Variants in ADAT3 observed in about 807,000 individuals in gnomAD.
The protein encoded by ADAT3 is tRNA-specific adenosine-34 deaminase regulatory subunit ADAT3.
In ADAT3, 2 loss-of-function variants were observed where a neutral mutation model predicts 3.5. The observed-to-expected ratio is 0.57, with a 90% confidence interval of 0.23 to 1.79. The LOEUF (loss-of-function observed/expected upper bound fraction) is 1.79. ADAT3 is among the 40% of genes most tolerant of loss of function. The pLI, the probability that ADAT3 is intolerant of heterozygous loss-of-function variation, is 0.18. For synonymous variants in ADAT3, 358 were observed against 270.3 expected (o/e 1.32, Z -3.18); for missense variants, 735 against 571.4 (o/e 1.29, Z -2.92).
chr19:1,912,075 C>T lies in ADAT3; in HGVS notation c.28C>T (p.Pro10Ser), dbSNP rs1420353112. 2 of 1,451,130 alleles carry T rather than the reference C, an allele frequency of 1.4e-6. No homozygotes were observed. The highest frequency in any genetic ancestry group is 2.6e-5 in the Admixed American group (1 of 38,980). The allele number at this position is 1,451,130 out of a possible 1,614,324, so 89.9% of individuals were successfully genotyped here. A position where few individuals can be genotyped will look rare whatever the true frequency, so the allele number is the denominator to read the frequency against. MILCSRLCL[P>S]QSASLRMEPA... The stretch of plus-strand genomic sequence containing the variant: ...GATCCTCTGCTCCCGTCTCTGTCTC[C>T]CACAGTCGGCCTCGCTGAGGATGGA... The change falls in exon 2 of 2, where the codon CCA (proline) becomes TCA (serine). Residue 10 changes from proline to serine, a missense_variant. Physicochemically the swap from Pro to Ser is moderately conservative, Grantham distance 74. Transcript: ENST00000329478.
chr19:1,913,246 C>G lies in ADAT3; in HGVS notation c.*95C>G. 2 of 1,437,390 alleles carry G rather than the reference C, an allele frequency of 1.4e-6. No homozygotes were observed. The highest frequency in any genetic ancestry group is 1.8e-6 in the Non-Finnish European group (2 of 1,090,190). 89.0% of individuals were successfully genotyped at this position (1,437,390 alleles called of 1,614,324 possible). A position where few individuals can be genotyped will look rare whatever the true frequency, so the allele number is the denominator to read the frequency against. On this transcript the variant is annotated 3_prime_UTR_variant, in exon 2 of 2. Transcript: ENST00000329478. ...TCGATTTCTTCCGCACAAGCCTGAC[C>G]GTGGATTTCAGGGACACATACCGCC... is the stretch of plus-strand genomic sequence containing the variant.
rs747783885 is a variant in ADAT3, at chr19:1,912,918, C to G, written c.871C>G (p.Leu291Val). The change falls in exon 2 of 2, where the codon CTC becomes GTC. Residue 291 changes from leucine to valine, a missense_variant. Physicochemically the swap from Leu to Val is conservative, Grantham distance 32. Coordinates refer to ENST00000329478, the MANE Select transcript of ADAT3 (RefSeq NM_138422.4). ...TAAACTGGACGCAGACGAGGACGGC[C>G]TCCCCTACCTGTGCACTGGCTACGA... ...VRKLDADEDG[L>V]PYLCTGYDLY... 9 of 1,609,774 alleles carry G rather than the reference C, an allele frequency of 5.6e-6. No individual in the cohort carries two copies. The highest frequency in any genetic ancestry group is 7.6e-6 in the Non-Finnish European group (9 of 1,179,322).
rs188999749 is a variant in ADAT3, at chr19:1,909,297, G to A, written c.-158-2593G>A. Among the ~76,000 whole-genome samples the A allele has an allele frequency of 3.2e-4, 48 of 152,300 alleles. 1 individual carries two copies. The highest frequency in any genetic ancestry group is 1.2e-3 in the African/African-American group (48 of 41,568). On this transcript the variant is annotated intron_variant, in intron 1 of 1. Transcript: ENST00000329478. Reference sequence around the variant, plus strand: ...GGCGCTGTCCCCCAGGGCCCTGTGAGCAGTCCCTGCAGGCTGGCTGTCCCC... The same window carrying A: ...GGCGCTGTCCCCCAGGGCCCTGTGAACAGTCCCTGCAGGCTGGCTGTCCCC...
At position 1,912,323 on chromosome 19, in the gene ADAT3, G is replaced by A; in HGVS notation, c.276G>A (p.Lys92=). Residue 92 remains lysine (K), a synonymous_variant, in exon 2 of 2, where the codon AAG becomes AAA. Coordinates refer to ENST00000329478, the MANE Select transcript of ADAT3 (RefSeq NM_138422.4). ...CGCTCCCCGCCCAGCCTCACCTCAAGCGGGTGCGGCCCAGCCGCGATGCCG... is the reference window on the plus strand; with the variant it reads ...CGCTCCCCGCCCAGCCTCACCTCAAACGGGTGCGGCCCAGCCGCGATGCCG... ...LHPLPAQPHL[K]RVRPSRDAGS... 1 of 1,542,066 alleles carries A rather than the reference G, an allele frequency of 6.5e-7. No individual in the cohort carries two copies.
intron 1 of ADAT3, among the ~76,000 whole-genome samples, chr19:1,910,838 G>A (rs994117409): frequency 6.6e-6 from 1 of 151,326 alleles, no homozygotes; most frequent in Non-Finnish European, 1.5e-5. Context: ...GCCTCCCAAA[G>A]TGCTGGGATT....
chr19:1,913,163 C>T lies in ADAT3; in HGVS notation c.*12C>T. 2.0e-6 allele frequency: 3 copies of T among 1,524,300 alleles called. No homozygotes were observed. The highest frequency in any genetic ancestry group is 2.6e-6 in the Non-Finnish European group (3 of 1,137,748). 94.4% of individuals were successfully genotyped at this position (1,524,300 alleles called of 1,614,324 possible). On this transcript the variant is annotated 3_prime_UTR_variant, in exon 2 of 2. Coordinates refer to ENST00000329478, the MANE Select transcript of ADAT3 (RefSeq NM_138422.4). Reference sequence around the variant, plus strand: ...ACCCCGACACGTAGGCGCCGCCCTCCTGCCTCCGGACCCTTCCCGCTCCCG... The same window carrying T: ...ACCCCGACACGTAGGCGCCGCCCTCTTGCCTCCGGACCCTTCCCGCTCCCG...
intron 1 of ADAT3, among the ~76,000 whole-genome samples, chr19:1,911,595 A>C (rs534787388): frequency 6.6e-6 from 1 of 152,308 alleles, no homozygotes; most frequent in East Asian, 1.9e-4. Context: ...AGCCTGAACG[A>C]CGTGGTGAAA....
intron 1 of ADAT3, among the ~76,000 whole-genome samples, chr19:1,909,586 AGCAGGGATGTCCTCACCTGTGCCAGCG>A (rs1458895709): frequency 5.0e-4 from 50 of 99,724 alleles, no homozygotes; most frequent in African/African-American, 2.5e-3. Context: ...CTGTGCCAGC[AGCAGGGATGTCCTCACCTGTGCCAGCG>A]GCAGGGATGG....
At chr19:1,906,850 C>CA (rs919454906) in intron 1 of ADAT3, 232 of 66,372 alleles carry the variant, frequency 3.5e-3, no homozygotes, top group South Asian at 0.013. Context: ...GACTCCGTCT[C>CA]AAAAAAAAAA....
Position 1,912,655 on chromosome 19 carries a change from C to T in ADAT3, c.608C>T (p.Ala203Val). The T allele has an allele frequency of 2.1e-6, 3 of 1,421,520 alleles. No individual in the cohort carries two copies. Among genetic ancestry groups the T allele is most frequent in the Non-Finnish European group, 2.7e-6 (3 of 1,097,624 alleles). The allele number at this position is 1,421,520 out of a possible 1,614,324, so 88.1% of individuals were successfully genotyped here. The change falls in exon 2 of 2, where the codon GCA becomes GTA. Residue 203 changes from alanine to valine, a missense_variant. Transcript: ENST00000329478. ...CGGGCGGTGTGGGCGGCCCGGCGGG[C>T]AGCAGCGCGGGGCTTGCGGGCCGTG... The part of the protein sequence containing the change: ...MERAVWAARR[A>V]AARGLRAVGA...
chr19:1,913,143 G>A lies in ADAT3; in HGVS notation c.1096G>A (p.Asp366Asn). ...GGAGCAGTGCCGCTGGCTGGACCCC[G>A]ACACGTAGGCGCCGCCCTCCTGCCT... ...LEEQCRWLDP[D>N]T Residue 366 changes from aspartate to asparagine, a missense_variant, in exon 2 of 2, where the codon GAC (aspartate) becomes AAC (asparagine). Asp to Asn is a conservative substitution (Grantham distance 23, BLOSUM62 1). Coordinates refer to ENST00000329478, the MANE Select transcript of ADAT3 (RefSeq NM_138422.4). 2.6e-6 allele frequency: 4 copies of A among 1,553,884 alleles called. No individual in the cohort carries two copies. Among genetic ancestry groups the A allele is most frequent in the Non-Finnish European group, 3.5e-6 (4 of 1,153,498 alleles).
chr19:1,907,512 G>A (rs1001894702), intron 1 of ADAT3, among the ~76,000 whole-genome samples: 6 of 152,142 alleles, frequency 3.9e-5, no homozygotes, highest in Admixed American at 2.0e-4. Flanking sequence ...TGGGCTGAAC[G>A]CCTCTAGGGC....
In ADAT3 at chr19:1,907,184, CA is replaced by C. The variant is rs952315196; in HGVS notation, c.-159+1757del. On this transcript the variant is annotated intron_variant, in intron 1 of 1. Coordinates refer to ENST00000329478, the MANE Select transcript of ADAT3 (RefSeq NM_138422.4). ...CCTGGGGGACAGAGTGAGACTGTCC[CA>C]AAAAAAAAAAAGCCCCCACGCAGAC... The C allele has an allele frequency of 8.6e-3, 1,161 of 135,000 alleles. 5 individuals carry two copies. Among genetic ancestry groups the C allele is most frequent in the South Asian group, 0.015 (64 of 4,242 alleles). The allele number at this position is 135,000 out of a possible 1,614,324, so 8.4% of individuals were successfully genotyped here.
chr19:1,910,271 C>T (rs1250233665), intron 1 of ADAT3, among the ~76,000 whole-genome samples: 6 of 152,208 alleles, frequency 3.9e-5, no homozygotes, highest in Admixed American at 6.5e-5. Flanking sequence ...CAGGCGTTGG[C>T]GGAATTCAGC....
In ADAT3 at chr19:1,913,020, G is replaced by A. The variant is rs1402238455; in HGVS notation, c.973G>A (p.Gly325Ser). The A allele has an allele frequency of 1.9e-6, 3 of 1,606,034 alleles. No homozygotes were observed. The highest frequency in any genetic ancestry group is 2.5e-6 in the Non-Finnish European group (3 of 1,179,270). Residue 325 changes from glycine to serine, a missense_variant, in exon 2 of 2, where the codon GGT becomes AGT. Gly to Ser is a moderately conservative substitution (Grantham distance 56, BLOSUM62 0). Coordinates refer to ENST00000329478, the MANE Select transcript of ADAT3 (RefSeq NM_138422.4). Reference sequence around the variant, plus strand: ...CGCACGCATCCTGCGCGTCTTCTACGGTGCGCCCTCGCCCGACGGCGCCCT... The same window carrying A: ...CGCACGCATCCTGCGCGTCTTCTACAGTGCGCCCTCGCCCGACGGCGCCCT... Reference protein sequence around the residue: ...VHARILRVFYGAPSPDGALGT... With the variant: ...VHARILRVFYSAPSPDGALGT...
Position 1,913,011 on chromosome 19 carries a change from G to A in ADAT3, c.964G>A (p.Val322Ile), listed in dbSNP as rs748867878. The A allele has an allele frequency of 3.1e-5, 50 of 1,606,656 alleles. No individual in the cohort carries two copies. In the Admixed American group the frequency reaches 4.8e-4, roughly 16 times the overall value. The change falls in exon 2 of 2, where the codon GTC becomes ATC. Residue 322 changes from valine to isoleucine, a missense_variant. Coordinates refer to ENST00000329478, the MANE Select transcript of ADAT3 (RefSeq NM_138422.4). ...MALVHARILR[V>I]FYGAPSPDGA... is the part of the protein sequence containing the mutation. ...CCTGGTGCACGCACGCATCCTGCGC[G>A]TCTTCTACGGTGCGCCCTCGCCCGA...
chr19:1,911,966 G>C lies in ADAT3; in HGVS notation c.-82G>C. 7.1e-7 allele frequency: 1 copy of C among 1,403,406 alleles called. No homozygotes were observed. Among genetic ancestry groups the C allele is most frequent in the Non-Finnish European group, 9.2e-7 (1 of 1,084,732 alleles). 86.9% of individuals were successfully genotyped at this position (1,403,406 alleles called of 1,614,324 possible). A position where few individuals can be genotyped will look rare whatever the true frequency, so the allele number is the denominator to read the frequency against. ...AGCCCTCGGACTAGCCTCAGCTTTG[G>C]TGGCAGCACGCCCTGCCTTGTGGAG... On this transcript the variant is annotated 5_prime_UTR_variant, in exon 2 of 2. Transcript: ENST00000329478.
chr19:1,911,215 AG>A (rs2013427309), intron 1 of ADAT3, among the ~76,000 whole-genome samples: 1 of 151,180 alleles, frequency 6.6e-6, no homozygotes, highest in Non-Finnish European at 1.5e-5. Context: ...TCTGTCAGCC[AG>A]GCTGGGGTAC....
At position 1,908,770 on chromosome 19, in the gene ADAT3, A is replaced by C. The variant is rs1429600039; in HGVS notation, c.-158-3120A>C. On this transcript the variant is annotated intron_variant, in intron 1 of 1. Transcript: ENST00000329478. This position sits in a 1 kb window ranked among gnomAD's most constrained non-coding sequence, Gnocchi z 4.2. ...CGCCTTGGTCTCCTGAGTAGCTGGGACTACATGTGCACACCACCGTGCCCA... is the reference window on the plus strand; with the variant it reads ...CGCCTTGGTCTCCTGAGTAGCTGGGCCTACATGTGCACACCACCGTGCCCA... The C allele has an allele frequency of 3.6e-5, 13 of 357,334 alleles. No homozygotes were observed. The highest frequency in any genetic ancestry group is 6.6e-5 in the Non-Finnish European group (12 of 182,706). The allele number at this position is 357,334 out of a possible 1,614,324, so 22.1% of individuals were successfully genotyped here. A position where few individuals can be genotyped will look rare whatever the true frequency, so the allele number is the denominator to read the frequency against.
Sources: allele counts gnomAD v4.1 joint callset (sites outside exome capture counted in the v4.1 genomes callset), GRCh38; gene constraint gnomAD v4.1.1; non-coding constraint Gnocchi (gnomAD v3.1); transcripts MANE v1.5; gene names NCBI Gene and HGNC (gene_info 2026-07-23, HGNC 2026-07-21).